GPA33: variants seen among roughly 807,000 people sequenced by gnomAD.
GPA33 encodes cell surface A33 antigen.
GPA33 carries 27 observed loss-of-function variants against 35.6 expected under a neutral mutation model. The ratio of observed to expected loss-of-function variants is 0.76; its 90% CI spans 0.56 to 1.04. GPA33 has a LOEUF of 1.04. Ranked by LOEUF, GPA33 falls within the 50% of genes least tolerant of loss-of-function variation. GPA33 has a pLI of 0.00. For missense variants in GPA33, 428 were observed against 411.9 expected (o/e 1.04, Z -0.34); for synonymous variants, 176 against 164.0 (o/e 1.07, Z -0.56).
At chr1:167,069,242 G>C in intron 2 of GPA33, 104 bp from the exon 3 acceptor site, 2 of 683,658 alleles carry the variant, frequency 2.9e-6, no homozygotes, top group Non-Finnish European at 5.2e-6. Context: ...GGGCCCAGAA[G>C]CACAGACCTG....
At chr1:167,062,945 C>T (rs945020810) in intron 4 of GPA33, among the ~76,000 whole-genome samples, 6 of 152,142 alleles carry the variant, frequency 3.9e-5, no homozygotes, top group African/African-American at 1.4e-4. Context: ...ATGTATACTT[C>T]AGGACACAAT....
chr1:167,057,404 C>G (rs374925434), intron 4 of GPA33, among the ~76,000 whole-genome samples: 1 of 152,130 alleles, frequency 6.6e-6, no homozygotes, highest in Non-Finnish European at 1.5e-5. Flanking sequence ...GCAGAGCCAG[C>G]CTTGCCTGAT....
At position 167,074,728 on chromosome 1, in the gene GPA33, G is replaced by A. The variant is rs182104687; in HGVS notation, c.44-1189C>T. The stretch of plus-strand genomic sequence containing the variant: ...TCTACGCACAAGGAACAGCAAGGGA[G>A]ATTGTGTAGTGGGAGGGAAGTGAGT... On this transcript the variant is annotated intron_variant, in intron 1 of 6. Coordinates refer to ENST00000367868, the MANE Select transcript of GPA33 (RefSeq NM_005814.3). 4.3e-4 allele frequency among the ~76,000 whole-genome samples: 65 copies of A among 150,740 alleles called. 1 individual carries two copies. In the East Asian group the frequency reaches 0.012, roughly 28 times the overall value.
intron 3 of GPA33, among the ~76,000 whole-genome samples, chr1:167,065,850 C>T (rs975704960): frequency 1.3e-5 from 2 of 152,148 alleles, no homozygotes; most frequent in African/African-American, 2.4e-5. Context: ...CAAGGCCGGG[C>T]CTCATCTATC....
chr1:167,082,407 C>T lies in GPA33; in HGVS notation c.43+7838G>A, dbSNP rs915887809. ...GCAGCCTATTTTGTCAGGAGCTCAC[C>T]TAACACTGGAAGATGAGAAAGCTGA... is the stretch of plus-strand genomic sequence containing the variant. On this transcript the variant is annotated intron_variant, in intron 1 of 6. Transcript: ENST00000367868. 1.2e-5 allele frequency: 5 copies of T among 425,264 alleles called. No homozygotes were observed. The Admixed American group carries it at 1.3e-4, about 11-fold the overall frequency. The allele number at this position is 425,264 out of a possible 1,614,324, so 26.3% of individuals were successfully genotyped here.
At chr1:167,065,652 C>G in intron 3 of GPA33, among the ~76,000 whole-genome samples, 1 of 152,338 alleles carries the variant, frequency 6.6e-6, no homozygotes, top group Admixed American at 6.5e-5. Flanking sequence ...ACACACACCA[C>G]TCCCCTCTAG....
chr1:167,080,408 A>C (rs1237236094), intron 1 of GPA33, among the ~76,000 whole-genome samples: 2 of 152,146 alleles, frequency 1.3e-5, no homozygotes, highest in African/African-American at 4.8e-5. Flanking sequence ...AGATGCCCCA[A>C]CCTTCCCAAG....
At position 167,054,075 on chromosome 1, in the gene GPA33, C is replaced by G. The variant is rs570324429; in HGVS notation, c.*259G>C. 1 of 500,722 alleles carries G rather than the reference C, an allele frequency of 2.0e-6. No homozygotes were observed. Among genetic ancestry groups the G allele is most frequent in the African/African-American group, 1.9e-5 (1 of 51,474 alleles). The allele number at this position is 500,722 out of a possible 1,614,324, so 31.0% of individuals were successfully genotyped here. The stretch of plus-strand genomic sequence containing the variant: ...AGGGAAGTGGAGGCTGCAGCCTGGT[C>G]TTGAGTGAGGGCCAGGCCCGCACCA... On this transcript the variant is annotated 3_prime_UTR_variant, in exon 7 of 7. Coordinates refer to ENST00000367868, the MANE Select transcript of GPA33 (RefSeq NM_005814.3).
At chr1:167,075,020 G>C (rs1385432686) in intron 1 of GPA33, among the ~76,000 whole-genome samples, 4 of 149,498 alleles carry the variant, frequency 2.7e-5, no homozygotes, top group African/African-American at 9.9e-5. Context: ...TCCTGCCTCA[G>C]CCTCCCGAGT....
In GPA33 at chr1:167,084,891, A is replaced by T. The variant is rs561708467; in HGVS notation, c.43+5354T>A. ...TTTATTACACAGCAATAGAAAATGT[A>T]ACAGATGACTGCTAGGTTTCTGGCT... On this transcript the variant is annotated intron_variant, in intron 1 of 6. Transcript: ENST00000367868. 5.9e-5 allele frequency among the ~76,000 whole-genome samples: 9 copies of T among 152,380 alleles called. No individual in the cohort carries two copies. The South Asian group carries it at 1.4e-3, about 25-fold the overall frequency.
intron 2 of GPA33, among the ~76,000 whole-genome samples, chr1:167,072,169 T>C (rs1666735031): frequency 6.6e-6 from 1 of 152,120 alleles, no homozygotes; most frequent in South Asian, 2.1e-4. Context: ...AGGCCTTGAG[T>C]GTTCTAGGCC....
In GPA33 at chr1:167,069,001, G is replaced by T. The variant is rs532979600; in HGVS notation, c.336C>A (p.Asn112Lys). ...GCGAGACAGAACACTCGTAGGTGCC[G>T]TTGTCAGCCATGGTCAGCTGATCAA... The part of the protein sequence containing the change: ...ITIDQLTMAD[N>K]GTYECSVSLM... Residue 112 changes from asparagine to lysine, a missense_variant, in exon 3 of 7, where the codon AAC becomes AAA. Asn to Lys is a moderately conservative substitution (Grantham distance 94, BLOSUM62 0). Transcript: ENST00000367868. The T allele has an allele frequency of 3.7e-6, 6 of 1,614,052 alleles. No individual in the cohort carries two copies. In the African/African-American group the frequency reaches 8.0e-5, roughly 22 times the overall value.
chr1:167,068,712 C>T (rs917600114), intron 3 of GPA33, among the ~76,000 whole-genome samples: 3 of 152,170 alleles, frequency 2.0e-5, no homozygotes, highest in Admixed American at 6.5e-5. Context: ...TCTCTGTCCT[C>T]GAGACTGTTG....
In GPA33 at chr1:167,055,836, A is replaced by G; in HGVS notation, c.585T>C (p.Pro195=). ...QPLAQPASGQ[P]VSLKNISTDT... ...CTGTGGAGATATTCTTCAGGGAGACAGGCTGACCTGAGGCTGCAGGGGAAG... is the reference window on the plus strand; with the variant it reads ...CTGTGGAGATATTCTTCAGGGAGACGGGCTGACCTGAGGCTGCAGGGGAAG... The change falls in exon 5 of 7, where the codon CCT becomes CCC. Residue 195 remains proline, a synonymous_variant. Coordinates refer to ENST00000367868, the MANE Select transcript of GPA33 (RefSeq NM_005814.3). 6.2e-7 allele frequency: 1 copy of G among 1,613,922 alleles called. No homozygotes were observed. Among genetic ancestry groups the G allele is most frequent in the Non-Finnish European group, 8.5e-7 (1 of 1,179,814 alleles).
chr1:167,079,484 C>CAA (rs59745946), intron 1 of GPA33, among the ~76,000 whole-genome samples: 8 of 75,622 alleles, frequency 1.1e-4, no homozygotes, highest in Admixed American at 4.7e-4. Context: ...ACTCCGTCTC[C>CAA]AAAAAAAAAA....
intron 1 of GPA33, among the ~76,000 whole-genome samples, chr1:167,083,860 G>C (rs1236702640): frequency 2.0e-5 from 3 of 152,118 alleles, no homozygotes; most frequent in African/African-American, 2.4e-5. Context: ...GGGGGTGTAT[G>C]ATTCCCCATA....
At chr1:167,064,583 C>T (rs1046986372) in intron 3 of GPA33, among the ~76,000 whole-genome samples, 2 of 152,216 alleles carry the variant, frequency 1.3e-5, no homozygotes, top group Non-Finnish European at 2.9e-5. Context: ...ATTTAGGCTT[C>T]GCAGACTACA....
chr1:167,071,087 G>A (rs531443387), intron 2 of GPA33, among the ~76,000 whole-genome samples: 2 of 152,140 alleles, frequency 1.3e-5, no homozygotes, highest in Admixed American at 6.5e-5. Flanking sequence ...ACATGTCGAT[G>A]TTCACTGAGA....
chr1:167,068,567 C>A (rs1405555569), intron 3 of GPA33, among the ~76,000 whole-genome samples: 8 of 152,090 alleles, frequency 5.3e-5, no homozygotes, highest in Non-Finnish European at 8.8e-5. Context: ...CCTGAGCACC[C>A]AATTAAGGCA....
Sources: gnomAD v4.1 joint callset for allele counts (sites outside exome capture counted in the v4.1 genomes callset) on GRCh38, gnomAD v4.1.1 for gene constraint, MANE v1.5 for transcripts, NCBI Gene and HGNC (gene_info 2026-07-23, HGNC 2026-07-21) for gene names.